B4GALNT3: variants seen among roughly 807,000 people sequenced by gnomAD.
The protein encoded by B4GALNT3 is beta-1,4-N-acetylgalactosaminyltransferase 3.
Under a neutral mutation model 120.2 loss-of-function variants are expected in B4GALNT3, and 86 were observed. That is an observed-to-expected ratio of 0.72 (90% CI 0.60 to 0.86). B4GALNT3 has a LOEUF of 0.86. Among genes scored for constraint, B4GALNT3 ranks in the 40% least tolerant of loss-of-function variants. The pLI, the probability that B4GALNT3 is intolerant of heterozygous loss-of-function variation, is 0.00. For synonymous variants in B4GALNT3, 518 were observed against 510.4 expected (o/e 1.01, Z -0.20); for missense variants, 1,167 against 1,298.9 (o/e 0.90, Z 1.56).
intron 13 of B4GALNT3, 122 bp from the exon 14 acceptor site, chr12:553,071 TG>T: frequency 1.4e-6 from 2 of 1,412,498 alleles, no homozygotes; most frequent in Non-Finnish European, 1.9e-6. Context: ...CGATAGAACC[TG>T]GATTCAACCC....
intron 1 of B4GALNT3, among the ~76,000 whole-genome samples, chr12:495,354 C>T (rs1024158737): frequency 6.6e-6 from 1 of 152,112 alleles, no homozygotes; most frequent in Non-Finnish European, 1.5e-5. Context: ...CTCCTGAATT[C>T]TTGGGTCGTT....
At position 556,599 on chromosome 12, in the gene B4GALNT3, C is replaced by T. The variant is rs192118846; in HGVS notation, c.2113C>T (p.Arg705Cys). Residue 705 changes from arginine to cysteine, a missense_variant, in exon 15 of 20, where the codon CGT becomes TGT. Physicochemically the swap from Arg to Cys is radical, Grantham distance 180. Coordinates refer to ENST00000266383, the MANE Select transcript of B4GALNT3 (RefSeq NM_173593.4). ...VNVEKRQDQLRGGRYLLELEL... is the reference protein window; with the variant it reads ...VNVEKRQDQLCGGRYLLELEL... ...CGTGGAAAAGCGTCAGGACCAGCTA[C>T]GTGGGGGTCGCTACCTCCTGGAGCT... is the stretch of plus-strand genomic sequence containing the variant. 91 of 1,614,028 alleles carry T rather than the reference C, an allele frequency of 5.6e-5. 1 individual carries two copies. The highest frequency in any genetic ancestry group is 2.5e-4 in the South Asian group (23 of 91,082).
At chr12:503,698 A>T (rs1457287536) in intron 1 of B4GALNT3, among the ~76,000 whole-genome samples, 1 of 152,192 alleles carries the variant, frequency 6.6e-6, no homozygotes, top group Non-Finnish European at 1.5e-5. Context: ...GACTAGAGCA[A>T]GTCATTTAAG....
intron 3 of B4GALNT3, chr12:543,334 TG>T: frequency 5.9e-6 from 4 of 672,854 alleles, no homozygotes; most frequent in Non-Finnish European, 9.0e-6. Context: ...GGGCATGGGG[TG>T]GTCACGCTCC....
chr12:531,943 A>G (rs1592044710), intron 1 of B4GALNT3, among the ~76,000 whole-genome samples: 1 of 150,436 alleles, frequency 6.6e-6, no homozygotes, highest in East Asian at 2.0e-4. Context: ...TGGTAGATAT[A>G]CAATTAGATC....
At chr12:556,252 G>C (rs906504950) in intron 14 of B4GALNT3, among the ~76,000 whole-genome samples, 2 of 152,184 alleles carry the variant, frequency 1.3e-5, no homozygotes, top group African/African-American at 4.8e-5. Context: ...TTGAGGGTCA[G>C]TTTCTCAGGG....
intron 6 of B4GALNT3, 91 bp downstream of exon 6, chr12:545,560 T>G: frequency 2.4e-6 from 3 of 1,270,638 alleles, no homozygotes; most frequent in Non-Finnish European, 3.3e-6. Context: ...TTAGCATCTC[T>G]GGTGTGACAG....
rs1947187258 is a variant in B4GALNT3, at chr12:558,529, C to T, written c.2629C>T (p.Leu877Phe). ...CCAGGACCCGCACAGCATCATCTTCCTCTGTGACCTCCACATCCACTTCCC... is the reference window on the plus strand; with the variant it reads ...CCAGGACCCGCACAGCATCATCTTCTTCTGTGACCTCCACATCCACTTCCC... ...LVKDPHSIIF[L>F]CDLHIHFPAG... Residue 877 changes from leucine to phenylalanine, a missense_variant, in exon 18 of 20, where the codon CTC becomes TTC. Physicochemically the swap from Leu to Phe is conservative, Grantham distance 22 (BLOSUM62 0). Coordinates refer to ENST00000266383, the MANE Select transcript of B4GALNT3 (RefSeq NM_173593.4). The T allele has an allele frequency of 6.2e-7, 1 of 1,614,042 alleles. No homozygotes were observed. Among genetic ancestry groups the T allele is most frequent in the Non-Finnish European group, 8.5e-7 (1 of 1,180,022 alleles).
At chr12:493,003 G>A (rs1021154479) in intron 1 of B4GALNT3, among the ~76,000 whole-genome samples, 1 of 152,050 alleles carries the variant, frequency 6.6e-6, no homozygotes, top group African/African-American at 2.4e-5. Context: ...AACCACATAG[G>A]AGAAAACCTA....
chr12:556,029 TG>T (rs1947152306), intron 14 of B4GALNT3, among the ~76,000 whole-genome samples: 4 of 151,536 alleles, frequency 2.6e-5, no homozygotes, highest in South Asian at 2.1e-4. Flanking sequence ...GTGATCCACC[TG>T]CCTTGGCCTC....
intron 1 of B4GALNT3, among the ~76,000 whole-genome samples, chr12:480,771 T>TG: frequency 6.6e-6 from 1 of 152,228 alleles, no homozygotes. Flanking sequence ...TGCAATTGCA[T>TG]GGGTCATGGA....
chr12:491,912 G>T (rs772190999), intron 1 of B4GALNT3, among the ~76,000 whole-genome samples: 2 of 151,978 alleles, frequency 1.3e-5, no homozygotes, highest in African/African-American at 2.4e-5. Context: ...AAAAAAATTA[G>T]CCAGGTGTGG....
chr12:517,310 A>G (rs1209501765), intron 1 of B4GALNT3, among the ~76,000 whole-genome samples: 1 of 152,198 alleles, frequency 6.6e-6, no homozygotes, highest in Non-Finnish European at 1.5e-5. Flanking sequence ...ATTTAGCAAA[A>G]GGATAAGGAG....
At chr12:531,404 T>C (rs1946806577) in intron 1 of B4GALNT3, among the ~76,000 whole-genome samples, 2 of 152,120 alleles carry the variant, frequency 1.3e-5, no homozygotes, top group South Asian at 4.1e-4. Flanking sequence ...ATCCCAGCAC[T>C]TTGGGAGGCT....
chr12:516,779 T>C (rs181287797), intron 1 of B4GALNT3, among the ~76,000 whole-genome samples: 2 of 152,302 alleles, frequency 1.3e-5, no homozygotes, highest in East Asian at 3.9e-4. Flanking sequence ...TTCCTCTGGC[T>C]ACTAGACCAT....
At chr12:515,742 C>G (rs1241370287) in intron 1 of B4GALNT3, among the ~76,000 whole-genome samples, 1 of 152,174 alleles carries the variant, frequency 6.6e-6, no homozygotes, top group Non-Finnish European at 1.5e-5. Context: ...TAGCGCCTGA[C>G]TCTGAAGTTC....
chr12:558,384 C>A, intron 17 of B4GALNT3, 124 bp from the exon 18 acceptor site: 1 of 938,498 alleles, frequency 1.1e-6, no homozygotes, highest in Non-Finnish European at 1.6e-6. Context: ...TGCCCAGCAG[C>A]TGGTTTTGTG....
In B4GALNT3 at chr12:553,556, A is replaced by AG. The variant is rs1947109487; in HGVS notation, c.1638dup (p.Pro547AlafsTer8). 1 of 1,613,918 alleles carries AG rather than the reference A, an allele frequency of 6.2e-7. No homozygotes were observed. ...CCCTGTGAAGAACCTGCCTCAGATGAGGGGGCCCAGGCCCAGGCCCGCTGG... is the reference window on the plus strand; with the variant it reads ...CCCTGTGAAGAACCTGCCTCAGATGAGGGGGGCCCAGGCCCAGGCCCGCTGG... On this transcript the variant is annotated frameshift_variant, in exon 14 of 20. Coordinates refer to ENST00000266383, the MANE Select transcript of B4GALNT3 (RefSeq NM_173593.4). LOFTEE classifies it high-confidence loss of function.
intron 6 of B4GALNT3, among the ~76,000 whole-genome samples, chr12:546,273 G>A (rs1266404694): frequency 6.8e-6 from 1 of 148,018 alleles, no homozygotes; most frequent in African/African-American, 2.5e-5. Context: ...GGGGAGGTGG[G>A]AGGAGTGGGG....
Sources: allele counts gnomAD v4.1 joint callset (sites outside exome capture counted in the v4.1 genomes callset), GRCh38; gene constraint gnomAD v4.1.1; transcripts MANE v1.5; gene names NCBI Gene and HGNC (gene_info 2026-07-23, HGNC 2026-07-21).